Variants in UBE4A observed in about 807,000 individuals in gnomAD.
The protein encoded by UBE4A is ubiquitination factor E4A.
A neutral mutation model predicts 117.9 loss-of-function variants in UBE4A; 48 were observed. The ratio of observed to expected loss-of-function variants is 0.41; its 90% CI spans 0.32 to 0.52. UBE4A has a LOEUF of 0.52. UBE4A is among the 20% of genes least tolerant of loss of function. The probability of loss-of-function intolerance (pLI) is 0.33; values close to 1 mark genes in which losing one functional copy is unlikely to be tolerated. For synonymous variants in UBE4A, 407 were observed against 450.0 expected (o/e 0.90, Z 1.21); for missense variants, 1,067 against 1,296.3 (o/e 0.82, Z 2.72).
chr11:118,396,204 A>G lies in UBE4A; in HGVS notation c.3075-110A>G, dbSNP rs918221544. On this transcript the variant is annotated intron_variant, in intron 19 of 19. Coordinates refer to ENST00000252108, the MANE Select transcript of UBE4A (RefSeq NM_001204077.2). Reference sequence around the variant, plus strand: ...AACTCGGCATTTGACTCAAAGTTATAATGCACTCTGGCTTCATTCTTAAGA... The same window carrying G: ...AACTCGGCATTTGACTCAAAGTTATGATGCACTCTGGCTTCATTCTTAAGA... The G allele has an allele frequency of 2.0e-5, 28 of 1,385,140 alleles. No individual in the cohort carries two copies. The Admixed American group carries it at 2.4e-4, about 12-fold the overall frequency. 85.8% of individuals were successfully genotyped at this position (1,385,140 alleles called of 1,614,324 possible).
chr11:118,383,588 CA>C (rs11375309), intron 13 of UBE4A, among the ~76,000 whole-genome samples: 304 of 54,230 alleles, frequency 5.6e-3, no homozygotes, highest in African/African-American at 7.8e-3. Flanking sequence ...AAATCCCTCT[CA>C]AAAAAAAAAA....
At chr11:118,381,267 T>G (rs1555126291) in intron 11 of UBE4A, 124 bp from the exon 12 acceptor site, 5 of 1,226,548 alleles carry the variant, frequency 4.1e-6, no homozygotes, top group African/African-American at 1.5e-5. Flanking sequence ...CCATCTCTAG[T>G]ACCAACAAAA....
At chr11:118,366,704 A>G (rs762514464) in intron 2 of UBE4A, among the ~76,000 whole-genome samples, 2 of 152,228 alleles carry the variant, frequency 1.3e-5, no homozygotes, top group Non-Finnish European at 2.9e-5. Context: ...CCATTCTGTC[A>G]ATAGAGAAAA....
At chr11:118,374,818 C>T in intron 8 of UBE4A, 78 bp from the exon 9 acceptor site, 1 of 1,350,736 alleles carries the variant, frequency 7.4e-7, no homozygotes, top group Non-Finnish European at 9.8e-7. Context: ...TTTTTGGAAA[C>T]TGCCAGTTGC....
chr11:118,369,834 C>G (rs1430858897), intron 4 of UBE4A, among the ~76,000 whole-genome samples: 1 of 152,122 alleles, frequency 6.6e-6, no homozygotes. Context: ...TGACTCACGC[C>G]TGTAATCCCA....
Position 118,374,970 on chromosome 11 carries a change from C to G in UBE4A, c.1191C>G (p.His397Gln), listed in dbSNP as rs1948638310. The change falls in exon 9 of 20, where the codon CAC becomes CAG. Residue 397 changes from histidine to glutamine, a missense_variant. By Grantham distance (24) the His-to-Gln change is conservative. Coordinates refer to ENST00000252108, the MANE Select transcript of UBE4A (RefSeq NM_001204077.2). ...NLLQLSPETKHCILSWLGNCL... is the reference protein window; with the variant it reads ...NLLQLSPETKQCILSWLGNCL... ...TCCAGCTCTCTCCAGAAACCAAACA[C>G]TGTATCTTGTCCTGGCTTGGAAACT... 1 of 1,601,418 alleles carries G rather than the reference C, an allele frequency of 6.2e-7. No individual in the cohort carries two copies. The highest frequency in any genetic ancestry group is 1.3e-5 in the African/African-American group (1 of 74,898).
chr11:118,376,843 A>C, intron 10 of UBE4A, 149 bp downstream of exon 10: 2 of 938,452 alleles, frequency 2.1e-6, no homozygotes, highest in South Asian at 2.2e-5. Context: ...TGAGGCCAGA[A>C]GTTTAAGACC....
chr11:118,376,594 T>C lies in UBE4A; in HGVS notation c.1471T>C (p.Leu491=). The part of the protein sequence containing the change: ...HMRGLDKETC[L]IPAVQEPKFP... ...TTGAGGTTTGGACAAAGAAACCTGT[T>C]TGATCCCAGCTGTGCAGGAGCCGAA... Residue 491 remains leucine (L), a synonymous_variant, in exon 10 of 20, where the codon TTG becomes CTG. Transcript: ENST00000252108. 6.2e-7 allele frequency: 1 copy of C among 1,613,994 alleles called. No individual in the cohort carries two copies. Among genetic ancestry groups the C allele is most frequent in the Non-Finnish European group, 8.5e-7 (1 of 1,179,964 alleles).
Position 118,389,745 on chromosome 11 carries a change from C to T in UBE4A, c.2608C>T (p.His870Tyr), listed in dbSNP as rs1948795157. 2 of 1,609,652 alleles carry T rather than the reference C, an allele frequency of 1.2e-6. No homozygotes were observed. Among genetic ancestry groups the T allele is most frequent in the Non-Finnish European group, 1.7e-6 (2 of 1,176,364 alleles). The change falls in exon 17 of 20, where the codon CAT becomes TAT. Residue 870 changes from histidine (H) to tyrosine (Y), a missense_variant. His to Tyr is a moderately conservative substitution (Grantham distance 83). Around this residue, in one of 3 missense-constraint regions of UBE4A, gnomAD observed 1,001 missense variants for 1,184.0 expected, o/e 0.85. Coordinates refer to ENST00000252108, the MANE Select transcript of UBE4A (RefSeq NM_001204077.2). ...TCCAGAGATCAAGTCACTCTTTGTG[C>T]ATCCCTTCCTGGCTGAGCGCATCAT... ...LTSEIKSLFV[H>Y]PFLAERIISM...
intron 12 of UBE4A, 132 bp downstream of exon 12, chr11:118,381,655 C>A: frequency 8.2e-7 from 1 of 1,226,000 alleles, no homozygotes; most frequent in Non-Finnish European, 1.1e-6. Context: ...TAAGGAATCA[C>A]CTGACCATCC....
Position 118,382,711 on chromosome 11 carries a change from A to C in UBE4A, c.2132A>C (p.Asn711Thr), listed in dbSNP as rs782076594. 3.7e-6 allele frequency: 6 copies of C among 1,605,574 alleles called. No homozygotes were observed. The highest frequency in any genetic ancestry group is 1.3e-5 in the African/African-American group (1 of 74,688). ...SVFHRKRVFC[N>T]FQYAPQLAEA... is the part of the protein sequence containing the mutation. Reference sequence around the variant, plus strand: ...TTCCACCGGAAACGTGTGTTCTGCAACTTTCAGTATGCACCCCAACTTGCA... The same window carrying C: ...TTCCACCGGAAACGTGTGTTCTGCACCTTTCAGTATGCACCCCAACTTGCA... The change falls in exon 13 of 20, where the codon AAC becomes ACC. Residue 711 changes from asparagine (N) to threonine (T), a missense_variant. Around this residue, in one of 3 missense-constraint regions of UBE4A, gnomAD observed 1,001 missense variants for 1,184.0 expected, o/e 0.85. Transcript: ENST00000252108.
intron 2 of UBE4A, among the ~76,000 whole-genome samples, chr11:118,365,832 A>G (rs746800867): frequency 6.6e-6 from 1 of 152,192 alleles, no homozygotes; most frequent in Non-Finnish European, 1.5e-5. Flanking sequence ...AATCAGAAAA[A>G]ATGGTTTTCT....
At chr11:118,362,083 T>G (rs747656447) in intron 1 of UBE4A, among the ~76,000 whole-genome samples, 3 of 152,170 alleles carry the variant, frequency 2.0e-5, no homozygotes, top group Non-Finnish European at 4.4e-5. Flanking sequence ...AGTAATGCAG[T>G]TTATGGTGAT....
intron 15 of UBE4A, 24 bp downstream of exon 15, chr11:118,384,969 G>C (rs1784254): frequency 5.1e-6 from 5 of 978,440 alleles, no homozygotes; most frequent in Admixed American, 4.4e-5. Flanking sequence ...AAAAAAAAAA[G>C]ATTTAACTTC....
rs1948622235 is a variant in UBE4A, at chr11:118,373,080, T to G, written c.722-6T>G. 2 of 1,613,696 alleles carry G rather than the reference T, an allele frequency of 1.2e-6. No individual in the cohort carries two copies. Among genetic ancestry groups the G allele is most frequent in the Non-Finnish European group, 1.7e-6 (2 of 1,179,848 alleles). ...CCTCCTTTCTCTCTCATTTGTCTTC[T>G]GTTAGATTTTGAAGATGTAACTGAG... On this transcript the variant is annotated splice_region_variant and splice_polypyrimidine_tract_variant and intron_variant, in intron 6 of 19. Coordinates refer to ENST00000252108, the MANE Select transcript of UBE4A (RefSeq NM_001204077.2).
At chr11:118,392,683 G>C in intron 18 of UBE4A, 55 bp from the exon 19 acceptor site, 1 of 1,541,942 alleles carries the variant, frequency 6.5e-7, no homozygotes, top group Non-Finnish European at 8.8e-7. Context: ...CATTGAGCAC[G>C]CTGAATTCAG....
chr11:118,391,026 C>T (rs1179828797), intron 18 of UBE4A, among the ~76,000 whole-genome samples: 1 of 151,440 alleles, frequency 6.6e-6, no homozygotes, highest in Non-Finnish European at 1.5e-5. Context: ...AAAATCCATG[C>T]AAAAAAAATC....
intron 19 of UBE4A, 109 bp from the exon 20 acceptor site, chr11:118,396,205 A>C: frequency 7.2e-7 from 1 of 1,395,612 alleles, no homozygotes; most frequent in Non-Finnish European, 9.5e-7. Context: ...CAAAGTTATA[A>C]TGCACTCTGG....
rs967631682 is a variant in UBE4A at position 118,380,712 on chromosome 11, G to A, written c.1877-679G>A. Among the ~76,000 whole-genome samples the A allele has an allele frequency of 4.6e-5, 7 of 152,184 alleles. No homozygotes were observed. In the East Asian group the frequency reaches 9.6e-4, roughly 21 times the overall value. On this transcript the variant is annotated intron_variant, in intron 11 of 19. Coordinates refer to ENST00000252108, the MANE Select transcript of UBE4A (RefSeq NM_001204077.2). ...TCAATCAGGGCCTTAGGAATCTGAGGACTCTGCTAGGGCTGGAGGATCCAC... is the reference window on the plus strand; with the variant it reads ...TCAATCAGGGCCTTAGGAATCTGAGAACTCTGCTAGGGCTGGAGGATCCAC...
Sources: allele counts gnomAD v4.1 joint callset (sites outside exome capture counted in the v4.1 genomes callset), GRCh38; gene constraint gnomAD v4.1.1; regional missense constraint gnomAD v4.1.1; transcripts MANE v1.5; gene names NCBI Gene and HGNC (gene_info 2026-07-23, HGNC 2026-07-21).